The following DDX4 variants were observed in gnomAD, a reference collection of about 807,000 sequenced individuals.
DDX4 encodes DEAD-box helicase 4.
In DDX4, 25 loss-of-function variants were observed where a neutral mutation model predicts 100.0. The ratio of observed to expected loss-of-function variants is 0.25; its 90% confidence interval spans 0.18 to 0.35. DDX4 has a LOEUF of 0.35. DDX4 is among the 10% of genes least tolerant of loss of function. DDX4 has a pLI of 1.00. For synonymous variants in DDX4, 259 were observed against 275.7 expected, an observed-to-expected ratio of 0.94 and a Z score of 0.60; for missense variants, 635 against 882.4, an observed-to-expected ratio of 0.72 and a Z score of 3.55.
At chr5:55,772,512 A>G (rs750927224) in intron 7 of DDX4, among the ~76,000 whole-genome samples, 2 of 152,102 alleles carry the variant, frequency 1.3e-5, no homozygotes, top group Admixed American at 1.3e-4. Context: ...AAGTCTTTCA[A>G]GTGCTTGTTT....
At chr5:55,799,175 C>T (rs2112106817) in intron 18 of DDX4, among the ~76,000 whole-genome samples, 1 of 152,236 alleles carries the variant, frequency 6.6e-6, no homozygotes, top group South Asian at 2.1e-4. Context: ...TCAAGCGATC[C>T]TCCCACCTCA....
chr5:55,786,563 G>A lies in DDX4; in HGVS notation c.910G>A (p.Ala304Thr). 3 of 1,613,108 alleles carry A rather than the reference G, an allele frequency of 1.9e-6. No homozygotes were observed. Among genetic ancestry groups the A allele is most frequent in the East Asian group, 2.2e-5 (1 of 44,860 alleles). The change falls in exon 14 of 22, where the codon GCT becomes ACT. Residue 304 changes from alanine (A) to threonine (T), a missense_variant. Coordinates refer to ENST00000505374, the MANE Select transcript of DDX4 (RefSeq NM_024415.3). ...CTGTCAGACACTGAATAACAACATT[G>A]CTAAAGCTGGTTATACTAAGCTTAC... ...NLCQTLNNNIAKAGYTKLTPV... is the reference protein window; with the variant it reads ...NLCQTLNNNITKAGYTKLTPV...
chr5:55,787,804 T>G, intron 14 of DDX4, 42 bp from the exon 15 acceptor site: 1 of 1,595,358 alleles, frequency 6.3e-7, no homozygotes, highest in Non-Finnish European at 8.5e-7. Flanking sequence ...GGGATAAAAG[T>G]GTTGTGCTAT....
intron 18 of DDX4, among the ~76,000 whole-genome samples, chr5:55,811,823 G>C (rs1744136860): frequency 6.6e-6 from 1 of 152,156 alleles, no homozygotes; most frequent in Non-Finnish European, 1.5e-5. Context: ...CATAAATACT[G>C]TTGAATAAAT....
intron 21 of DDX4, among the ~76,000 whole-genome samples, chr5:55,815,933 GC>G (rs1363569503): frequency 1.5e-5 from 2 of 134,160 alleles, no homozygotes; most frequent in Admixed American, 8.0e-5. Context: ...CACCATCTTA[GC>G]TGGTTTTTTT....
rs888106116 is a variant in DDX4, at chr5:55,767,729, T to C, written c.335-152T>C. ...CGACTCTGAGTAATGTCTTTATATA[T>C]CTGTTAAAATTATTTGAAGAAATAT... is the stretch of plus-strand genomic sequence containing the variant. On this transcript the variant is annotated intron_variant, in intron 6 of 21. Coordinates refer to ENST00000505374, the MANE Select transcript of DDX4 (RefSeq NM_024415.3). 8.9e-6 allele frequency: 5 copies of C among 564,844 alleles called. No individual in the cohort carries two copies. In the Admixed American group the frequency reaches 1.6e-4, roughly 18 times the overall value. The allele number at this position is 564,844 out of a possible 1,614,324, so 35.0% of individuals were successfully genotyped here. A position where few individuals can be genotyped will look rare whatever the true frequency, so the allele number is the denominator to read the frequency against.
At chr5:55,783,253 T>A (rs1467273027) in intron 10 of DDX4, among the ~76,000 whole-genome samples, 1 of 152,070 alleles carries the variant, frequency 6.6e-6, no homozygotes, top group Non-Finnish European at 1.5e-5. Flanking sequence ...CCCCTGCTGA[T>A]TCTTGGATTC....
chr5:55,793,056 TTGTG>T (rs1250124612), intron 17 of DDX4, among the ~76,000 whole-genome samples: 1 of 136,334 alleles, frequency 7.3e-6, no homozygotes, highest in Non-Finnish European at 1.6e-5. Context: ...GTGTGTGTGT[TTGTG>T]TGTGTTGTTG....
At chr5:55,780,165 A>G in intron 8 of DDX4, 100 bp downstream of exon 8, 2 of 1,510,936 alleles carry the variant, frequency 1.3e-6, no homozygotes, top group Non-Finnish European at 1.8e-6. Context: ...GGATTATATG[A>G]GAATAGCTTA....
intron 16 of DDX4, 132 bp downstream of exon 16, chr5:55,790,837 GA>G (rs1742520551): frequency 4.0e-6 from 3 of 759,322 alleles, no homozygotes; most frequent in Non-Finnish European, 6.6e-6. Context: ...CACATTCTTT[GA>G]ATGCATTCTT....
chr5:55,810,697 C>A (rs1330647004), intron 18 of DDX4, among the ~76,000 whole-genome samples: 1 of 152,124 alleles, frequency 6.6e-6, no homozygotes, highest in Non-Finnish European at 1.5e-5. Context: ...AGAATCCCTT[C>A]CTTTATAATG....
chr5:55,780,146 T>A, intron 8 of DDX4, 81 bp downstream of exon 8: 1 of 1,549,188 alleles, frequency 6.5e-7, no homozygotes. Context: ...TCAAAGAAGG[T>A]TGTTATGAGG....
intron 7 of DDX4, among the ~76,000 whole-genome samples, chr5:55,771,841 G>A (rs188800895): frequency 1.3e-5 from 2 of 152,146 alleles, no homozygotes; most frequent in African/African-American, 4.8e-5. Flanking sequence ...GACATCTTTT[G>A]TCAAGTCGTT....
intron 7 of DDX4, chr5:55,773,115 C>G (rs1028166431): frequency 1.8e-4 from 28 of 152,632 alleles, no homozygotes; most frequent in African/African-American, 6.8e-4. Context: ...GATCAAGGCA[C>G]CAGCAGATTC....
At chr5:55,816,424 T>A in intron 21 of DDX4, 39 bp from the exon 22 acceptor site, 2 of 1,547,824 alleles carry the variant, frequency 1.3e-6, no homozygotes, top group Non-Finnish European at 1.7e-6. Flanking sequence ...AATTAAATGT[T>A]TGTTTGTTTC....
At chr5:55,780,265 A>G (rs142069677) in intron 8 of DDX4, among the ~76,000 whole-genome samples, 200 bp downstream of exon 8, 292 of 152,334 alleles carry the variant, frequency 1.9e-3, no homozygotes, top group African/African-American at 6.4e-3. Flanking sequence ...GTTAAAATAT[A>G]TGAATTTAAA....
At chr5:55,800,455 C>T (rs950400070) in intron 18 of DDX4, among the ~76,000 whole-genome samples, 7 of 151,856 alleles carry the variant, frequency 4.6e-5, no homozygotes, top group Admixed American at 2.0e-4. Flanking sequence ...TCCTGAGTAG[C>T]TGGGACTAGA....
chr5:55,804,677 T>C (rs1256303380), intron 18 of DDX4, among the ~76,000 whole-genome samples: 3 of 152,124 alleles, frequency 2.0e-5, no homozygotes, highest in African/African-American at 7.2e-5. Flanking sequence ...GTTCCATTGA[T>C]CTATATCTCT....
At chr5:55,740,190 T>C (rs1006387594) in intron 2 of DDX4, among the ~76,000 whole-genome samples, 7 of 152,236 alleles carry the variant, frequency 4.6e-5, no homozygotes, top group Non-Finnish European at 1.0e-4. Flanking sequence ...TTGTTTTTGA[T>C]ACAGTGTCTT....
Sources: allele counts gnomAD v4.1 joint callset (sites outside exome capture counted in the v4.1 genomes callset), GRCh38; gene constraint gnomAD v4.1.1; transcripts MANE v1.5; gene names NCBI Gene and HGNC (gene_info 2026-07-23, HGNC 2026-07-21).